The following PCDHGB6 variants were observed in gnomAD, a reference collection of about 807,000 sequenced individuals.
PCDHGB6 encodes protocadherin gamma-B6.
Under a neutral mutation model 59.1 loss-of-function variants are expected in PCDHGB6, and 51 were observed. The observed-to-expected ratio is 0.86, with a 90% confidence interval of 0.69 to 1.09. The LOEUF (loss-of-function observed/expected upper bound fraction) is 1.09. Ranked by LOEUF, PCDHGB6 falls within the 50% of genes least tolerant of loss-of-function variation. PCDHGB6 has a pLI of 0.00. For missense variants in PCDHGB6, 1,148 were observed against 1,205.1 expected, an observed-to-expected ratio of 0.95 and a Z score of 0.70; for synonymous variants, 466 against 495.1, an observed-to-expected ratio of 0.94 and a Z score of 0.78.
At chr5:141,473,002 GAA>G (rs2099311273) in intron 1 of PCDHGB6, among the ~76,000 whole-genome samples, 1 of 143,872 alleles carries the variant, frequency 7.0e-6, no homozygotes, top group East Asian at 2.0e-4. Flanking sequence ...AAAAAAGAAA[GAA>G]AAAGAAAAAG....
At chr5:141,465,466 C>T (rs1280373152) in intron 1 of PCDHGB6, among the ~76,000 whole-genome samples, 1 of 152,156 alleles carries the variant, frequency 6.6e-6, no homozygotes, top group African/African-American at 2.4e-5. Flanking sequence ...ACCAAATTGC[C>T]CTTGCTTCAT....
At chr5:141,415,015 A>C (rs2095814085) in intron 1 of PCDHGB6, 1 of 1,613,598 alleles carries the variant, frequency 6.2e-7, no homozygotes, top group East Asian at 2.2e-5. Flanking sequence ...CCGTCTGCTC[A>C]AGGCCAGCGA....
rs968473065 is a variant in PCDHGB6, at chr5:141,409,745, T to G, written c.1543T>G (p.Phe515Val). ...AGTGAGCGCGCAGAGCGGGGTGGTG[T>G]TCGCGCAGCGCGCCTTTGATCACGA... is the stretch of plus-strand genomic sequence containing the variant. ...VSVSAQSGVV[F>V]AQRAFDHEQL... Residue 515 changes from phenylalanine to valine, a missense_variant, in exon 1 of 4, where the codon TTC (phenylalanine) becomes GTC (valine). By Grantham distance (50) the Phe-to-Val change is conservative. This residue lies in a region of PCDHGB6 where 549 missense variants were observed against 527.5 expected (regional missense o/e 1.04). Transcript: ENST00000520790. 5.6e-6 allele frequency: 9 copies of G among 1,613,074 alleles called. No individual in the cohort carries two copies. Among genetic ancestry groups the G allele is most frequent in the Non-Finnish European group, 7.6e-6 (9 of 1,179,868 alleles).
At chr5:141,465,047 T>C (rs2099095978) in intron 1 of PCDHGB6, among the ~76,000 whole-genome samples, 1 of 152,088 alleles carries the variant, frequency 6.6e-6, no homozygotes, top group Non-Finnish European at 1.5e-5. Context: ...TGACCCTATA[T>C]ATTTTTTTGA....
intron 2 of PCDHGB6, among the ~76,000 whole-genome samples, chr5:141,504,802 C>G (rs370355030): frequency 6.6e-6 from 1 of 152,030 alleles, no homozygotes; most frequent in East Asian, 1.9e-4. Context: ...ACATCTCCCC[C>G]TAGGTACCTC....
chr5:141,427,887 C>A (rs759734297), intron 1 of PCDHGB6: 2 of 1,565,908 alleles, frequency 1.3e-6, no homozygotes, highest in Admixed American at 1.7e-5. Flanking sequence ...GGCCCACGAC[C>A]AGGGCTCGCC....
intron 2 of PCDHGB6, among the ~76,000 whole-genome samples, chr5:141,496,116 C>G (rs1435887981): frequency 6.6e-6 from 1 of 152,178 alleles, no homozygotes; most frequent in Middle Eastern, 3.4e-3. Flanking sequence ...TCTCTTCCTT[C>G]CCTGCCCCTC....
chr5:141,508,627 C>T (rs566012494), intron 3 of PCDHGB6, among the ~76,000 whole-genome samples: 1 of 152,262 alleles, frequency 6.6e-6, no homozygotes, highest in South Asian at 2.1e-4. Flanking sequence ...GTGGGCCGAG[C>T]TTCTAGCTAC....
At chr5:141,467,117 A>G (rs62379198) in intron 1 of PCDHGB6, among the ~76,000 whole-genome samples, 35,587 of 150,646 alleles carry the variant, frequency 0.24, 4,364 homozygotes, top group Admixed American at 0.32. Flanking sequence ...CAATGGTGCA[A>G]TCTCAGCTCA....
chr5:141,423,092 A>T (rs2096708373), intron 1 of PCDHGB6: 5 of 1,613,952 alleles, frequency 3.1e-6, no homozygotes, highest in South Asian at 2.2e-5. Flanking sequence ...GCGGTGGGGG[A>T]GCACACGGGC....
At chr5:141,428,448 T>C in intron 1 of PCDHGB6, 12 of 375,612 alleles carry the variant, frequency 3.2e-5, no homozygotes, top group South Asian at 2.4e-4. Flanking sequence ...CAGGGGTTTT[T>C]CCCAACTACA....
At chr5:141,438,605 T>TAC (rs2098010130) in intron 1 of PCDHGB6, among the ~76,000 whole-genome samples, 1 of 27,802 alleles carries the variant, frequency 3.6e-5, no homozygotes. Flanking sequence ...TATATATATA[T>TAC]ATATATATAT....
At chr5:141,446,098 A>G (rs375135134) in intron 1 of PCDHGB6, among the ~76,000 whole-genome samples, 2 of 152,350 alleles carry the variant, frequency 1.3e-5, no homozygotes, top group African/African-American at 4.8e-5. Flanking sequence ...TGGATGAATT[A>G]TAGATATATT....
intron 3 of PCDHGB6, 94 bp downstream of exon 3, chr5:141,505,575 C>T: frequency 6.3e-7 from 1 of 1,592,302 alleles, no homozygotes. Context: ...GATGTCAAAC[C>T]TGTGTAGTTT....
chr5:141,494,935 G>A, intron 2 of PCDHGB6, 70 bp downstream of exon 2: 1 of 1,612,482 alleles, frequency 6.2e-7, no homozygotes, highest in Non-Finnish European at 8.5e-7. Flanking sequence ...GGGAGGAGAT[G>A]GGGGAGGGCC....
chr5:141,432,367 C>A lies in PCDHGB6; in HGVS notation c.2418+21747C>A, dbSNP rs2097491556. 6.2e-7 allele frequency: 1 copy of A among 1,614,246 alleles called. No individual in the cohort carries two copies. The highest frequency in any genetic ancestry group is 8.5e-7 in the Non-Finnish European group (1 of 1,180,040). The stretch of plus-strand genomic sequence containing the variant: ...TGCAAGTGAAAGTGATGGCGCGGGA[C>A]AACGGGCACCCGCCCCTCAGCAGCA... On this transcript the variant is annotated intron_variant, in intron 1 of 3. Transcript: ENST00000520790. This position sits in a 1 kb window ranked among gnomAD's most constrained non-coding sequence, Gnocchi z 6.0.
In PCDHGB6 at chr5:141,409,007, C is replaced by T; in HGVS notation, c.805C>T (p.Gln269Ter). ...TGTGTTGCAAGTGACAGCCACTGACCAGGATGAGGGGGTCAATGCTGAGAT... is the reference window on the plus strand; with the variant it reads ...TGTGTTGCAAGTGACAGCCACTGACTAGGATGAGGGGGTCAATGCTGAGAT... ...SPVLQVTATDQDEGVNAEINY... is the reference protein window; with the variant it reads ...SPVLQVTATD The change falls in exon 1 of 4, where the codon CAG becomes TAG. Residue 269 changes from glutamine to a stop codon, truncating the protein, a stop_gained. Transcript: ENST00000520790. LOFTEE classifies it high-confidence loss of function. The T allele has an allele frequency of 6.2e-7, 1 of 1,613,932 alleles. No individual in the cohort carries two copies. Among genetic ancestry groups the T allele is most frequent in the Non-Finnish European group, 8.5e-7 (1 of 1,179,884 alleles).
At chr5:141,419,781 G>C (rs1331740421) in intron 1 of PCDHGB6, 1 of 1,614,032 alleles carries the variant, frequency 6.2e-7, no homozygotes. Context: ...GTCCGCCAGC[G>C]CCTGCTAGTC....
intron 1 of PCDHGB6, among the ~76,000 whole-genome samples, chr5:141,446,448 T>C (rs954515926): frequency 2.6e-5 from 4 of 152,028 alleles, no homozygotes; most frequent in Non-Finnish European, 5.9e-5. Context: ...ACAGTGCAGA[T>C]ATTCAGTGTG....
Sources: gnomAD v4.1 joint callset for allele counts (sites outside exome capture counted in the v4.1 genomes callset) on GRCh38, gnomAD v4.1.1 for gene constraint, gnomAD v4.1.1 regional missense constraint, Gnocchi (gnomAD v3.1) non-coding constraint, MANE v1.5 for transcripts, NCBI Gene and HGNC (gene_info 2026-07-23, HGNC 2026-07-21) for gene names.